GNAI1: variants seen among roughly 807,000 people sequenced by gnomAD.
The protein encoded by GNAI1 is guanine nucleotide-binding protein G(i) subunit alpha-1.
In GNAI1, 11 loss-of-function variants were observed where a neutral mutation model predicts 38.9. The observed-to-expected ratio is 0.28, with a 90% CI of 0.18 to 0.47. The LOEUF is 0.47. Ranked by LOEUF, GNAI1 falls within the 20% of genes least tolerant of loss-of-function variation. GNAI1 has a pLI of 0.99. For missense variants in GNAI1, 317 were observed against 436.9 expected (o/e 0.73, Z 2.45); for synonymous variants, 166 against 145.1 (o/e 1.14, Z -1.04).
chr7:80,198,541 A>C (rs114413597), intron 3 of GNAI1, among the ~76,000 whole-genome samples: 7 of 152,246 alleles, frequency 4.6e-5, no homozygotes, highest in African/African-American at 1.7e-4. Context: ...AAATTTTTAC[A>C]TACTGTCCTC....
intron 3 of GNAI1, among the ~76,000 whole-genome samples, chr7:80,191,887 A>T (rs544833224): frequency 6.6e-6 from 1 of 152,334 alleles, no homozygotes; most frequent in South Asian, 2.1e-4. Flanking sequence ...CTTAGGTGTT[A>T]TCAACATTTC....
intron 1 of GNAI1, among the ~76,000 whole-genome samples, chr7:80,187,670 A>AAATATAGT (rs1788411742): frequency 6.6e-6 from 1 of 152,160 alleles, no homozygotes; most frequent in South Asian, 2.1e-4. Flanking sequence ...AATGAAATGA[A>AAATATAGT]AATATAGTGA....
rs1441119456 is a variant in GNAI1 at position 80,223,616 on chromosome 7, T to C, written c.*6123T>C. 6.6e-6 allele frequency among the ~76,000 whole-genome samples: 1 copy of C among 152,206 alleles called. No homozygotes were observed. The highest frequency in any genetic ancestry group is 1.5e-5 in the Non-Finnish European group (1 of 68,034). On this transcript the variant is annotated 3_prime_UTR_variant, in exon 8 of 8. Coordinates refer to ENST00000649796, the MANE Select transcript of GNAI1 (RefSeq NM_002069.6). ...GGTATCAATTTTGTAGCTTGTGGAA[T>C]GCGGACTATCCCAGCAGCAAATTCA...
chr7:80,212,854 T>C lies in GNAI1; in HGVS notation c.859T>C (p.Tyr287His), dbSNP rs1454400629. The C allele has an allele frequency of 6.4e-7, 1 of 1,566,120 alleles. No individual in the cohort carries two copies. The highest frequency in any genetic ancestry group is 1.2e-5 in the South Asian group (1 of 81,136). Residue 287 changes from tyrosine (Y) to histidine (H), a missense_variant, in exon 7 of 8, where the codon TAT becomes CAT. By Grantham distance (83) the Tyr-to-His change is moderately conservative. Around this residue, in one of 5 missense-constraint regions of GNAI1, gnomAD observed 158 missense variants for 234.7 expected, o/e 0.67. Coordinates refer to ENST00000649796, the MANE Select transcript of GNAI1 (RefSeq NM_002069.6). ...CAAAAAGAGCCCTCTCACTATATGC[T>C]ATCCAGAATATGCAGGTATTTTCCT... Reference protein sequence around the residue: ...KIKKSPLTICYPEYAGSNTYE... With the variant: ...KIKKSPLTICHPEYAGSNTYE...
chr7:80,143,065 G>A (rs1269585580), intron 1 of GNAI1, among the ~76,000 whole-genome samples: 3 of 152,168 alleles, frequency 2.0e-5, no homozygotes, highest in Non-Finnish European at 2.9e-5. Flanking sequence ...GAGCCAGCAG[G>A]CTGCTCAGAG....
intron 1 of GNAI1, among the ~76,000 whole-genome samples, chr7:80,139,589 T>C (rs1231107290): frequency 6.6e-6 from 1 of 152,228 alleles, no homozygotes; most frequent in Non-Finnish European, 1.5e-5. Flanking sequence ...TTCTATTTTA[T>C]TATGTGTAAA....
Position 80,203,859 on chromosome 7 carries a change from C to CAA in GNAI1, c.590+27_590+28insAA, listed in dbSNP as rs750341570. 14 of 1,306,544 alleles carry CAA rather than the reference C, an allele frequency of 1.1e-5. No homozygotes were observed. In the African/African-American group the frequency reaches 2.1e-4, roughly 20 times the overall value. The allele number at this position is 1,306,544 out of a possible 1,614,324, so 80.9% of individuals were successfully genotyped here. A position where few individuals can be genotyped will look rare whatever the true frequency, so the allele number is the denominator to read the frequency against. ...TGAGTAGCTTTGAAATATATGATTTCTAAATTTAGATAAAAACACATTGCT... is the reference window on the plus strand; with the variant it reads ...TGAGTAGCTTTGAAATATATGATTTCAATAAATTTAGATAAAAACACATTGCT... On this transcript the variant is annotated intron_variant, in intron 5 of 7. Transcript: ENST00000649796.
chr7:80,166,583 G>C (rs1458066828), intron 1 of GNAI1, among the ~76,000 whole-genome samples: 1 of 152,094 alleles, frequency 6.6e-6, no homozygotes, highest in Non-Finnish European at 1.5e-5. Context: ...AATATTCTAA[G>C]TTGATTTTAG....
At chr7:80,197,859 A>G (rs1352789706) in intron 3 of GNAI1, among the ~76,000 whole-genome samples, 5 of 152,042 alleles carry the variant, frequency 3.3e-5, no homozygotes, top group Non-Finnish European at 7.4e-5. Context: ...CAGCTAGTAC[A>G]CTCTGCTAGC....
intron 1 of GNAI1, among the ~76,000 whole-genome samples, chr7:80,168,543 A>G (rs1346290138): frequency 2.0e-5 from 3 of 152,172 alleles, no homozygotes; most frequent in South Asian, 4.2e-4. Flanking sequence ...GCCCGCCACC[A>G]CGCCCGGCTA....
chr7:80,140,815 C>T (rs1787512591), intron 1 of GNAI1, among the ~76,000 whole-genome samples: 1 of 152,108 alleles, frequency 6.6e-6, no homozygotes, highest in South Asian at 2.1e-4. Flanking sequence ...GGTTAGAAGT[C>T]CAAAAAGGGT....
intron 6 of GNAI1, 36 bp downstream of exon 6, chr7:80,211,134 A>G (rs1788866608): frequency 2.5e-6 from 4 of 1,593,970 alleles, no homozygotes; most frequent in East Asian, 2.2e-5. Context: ...AGCTTGAAAC[A>G]TGAAGAGCTG....
chr7:80,136,901 T>G (rs1562819378), intron 1 of GNAI1, among the ~76,000 whole-genome samples: 1 of 152,080 alleles, frequency 6.6e-6, no homozygotes, highest in East Asian at 1.9e-4. Context: ...GTCCCAGGAG[T>G]AGGCTTTTGC....
At chr7:80,163,880 G>GCCT (rs1787965729) in intron 1 of GNAI1, among the ~76,000 whole-genome samples, 6 of 151,690 alleles carry the variant, frequency 4.0e-5, no homozygotes, top group Admixed American at 2.0e-4. Context: ...TATGGTCCAT[G>GCCT]CCTTTTTTCT....
At chr7:80,183,769 C>T (rs979243472) in intron 1 of GNAI1, among the ~76,000 whole-genome samples, 1 of 152,130 alleles carries the variant, frequency 6.6e-6, no homozygotes, top group Non-Finnish European at 1.5e-5. Context: ...TTGACTATCA[C>T]ATTGATAGCG....
intron 1 of GNAI1, among the ~76,000 whole-genome samples, chr7:80,184,978 A>G (rs1446876810): frequency 6.6e-6 from 1 of 152,124 alleles, no homozygotes; most frequent in African/African-American, 2.4e-5. Flanking sequence ...CGTGACTGCA[A>G]ATGGTCACGC....
At chr7:80,164,449 G>A (rs1037542259) in intron 1 of GNAI1, among the ~76,000 whole-genome samples, 6 of 150,460 alleles carry the variant, frequency 4.0e-5, no homozygotes, top group Non-Finnish European at 7.4e-5. Context: ...TGCAAGCTCC[G>A]CCTCCTGGGT....
At chr7:80,137,302 T>TTC (rs759133938) in intron 1 of GNAI1, among the ~76,000 whole-genome samples, 11 of 60,338 alleles carry the variant, frequency 1.8e-4, no homozygotes, top group East Asian at 3.8e-4. Flanking sequence ...TCTTTTTTTT[T>TTC]TTTTCTTTTC....
At chr7:80,209,937 A>G (rs1426311637) in intron 5 of GNAI1, among the ~76,000 whole-genome samples, 1 of 152,208 alleles carries the variant, frequency 6.6e-6, no homozygotes, top group Non-Finnish European at 1.5e-5. Flanking sequence ...AGCCAAAAGA[A>G]TGAAGAAGCC....
Sources: gnomAD v4.1 joint callset for allele counts (sites outside exome capture counted in the v4.1 genomes callset) on GRCh38, gnomAD v4.1.1 for gene constraint, gnomAD v4.1.1 regional missense constraint, MANE v1.5 for transcripts, NCBI Gene and HGNC (gene_info 2026-07-23, HGNC 2026-07-21) for gene names.